Variants in MAP4K3 observed in about 807,000 individuals in gnomAD.
MAP4K3 encodes MAPK/ERK kinase kinase kinase 3.
A neutral mutation model predicts 143.5 loss-of-function variants in MAP4K3; 94 were observed. The observed-to-expected ratio is 0.65, with a 90% CI of 0.55 to 0.78. The LOEUF (loss-of-function observed/expected upper bound fraction) is 0.78, where lower values mean the gene tolerates loss of function less well. Ranked by LOEUF, MAP4K3 falls within the 30% of genes least tolerant of loss-of-function variation. The probability of loss-of-function intolerance (pLI) is 0.00; values close to 1 mark genes in which losing one functional copy is unlikely to be tolerated. For synonymous variants in MAP4K3, 416 were observed against 347.2 expected, an observed-to-expected ratio of 1.20 and a Z score of -2.20; for missense variants, 1,077 against 1,068.1, an observed-to-expected ratio of 1.01 and a Z score of -0.12.
rs924322113 is a variant in MAP4K3, at chr2:39,410,395, A to C, written c.96+26497T>G. Among the ~76,000 whole-genome samples, 6 of 152,364 alleles carry C rather than the reference A, an allele frequency of 3.9e-5. No homozygotes were observed. In the South Asian group the frequency reaches 6.2e-4, roughly 16 times the overall value. ...CCTAGAAAATTAGAGCAATAAAATCATAACAAAGCAACTGGTAATATTATG... is the reference window on the plus strand; with the variant it reads ...CCTAGAAAATTAGAGCAATAAAATCCTAACAAAGCAACTGGTAATATTATG... On this transcript the variant is annotated intron_variant, in intron 1 of 33. Transcript: ENST00000263881.
At chr2:39,302,405 C>T (rs146120220) in intron 15 of MAP4K3, among the ~76,000 whole-genome samples, 1 of 152,172 alleles carries the variant, frequency 6.6e-6, no homozygotes, top group Non-Finnish European at 1.5e-5. Context: ...CCATTGTTTA[C>T]CAAGCACCTA....
At chr2:39,291,683 C>G (rs928005632) in intron 18 of MAP4K3, among the ~76,000 whole-genome samples, 1 of 151,938 alleles carries the variant, frequency 6.6e-6, no homozygotes, top group Non-Finnish European at 1.5e-5. Context: ...CTCAGGAGTT[C>G]GAGCCCAGCC....
rs1680272521 is a variant in MAP4K3, at chr2:39,254,539, T to C, written c.2471-19A>G. ...AGGCACACTAGCAGGCAAGAACAGC[T>C]CAATTACTGTTAATAGTACAAAAGT... On this transcript the variant is annotated intron_variant, in intron 31 of 33. Transcript: ENST00000263881. 1 of 1,603,060 alleles carries C rather than the reference T, an allele frequency of 6.2e-7. No individual in the cohort carries two copies. The highest frequency in any genetic ancestry group is 2.2e-5 in the East Asian group (1 of 44,822).
In MAP4K3 at chr2:39,265,254, G is replaced by T; in HGVS notation, c.2085C>A (p.Ser695Arg). ...GTTCAACCCATTCTAATAGAACAATGCTAGTCTGAAGTGCTCCACATAGGT... is the reference window on the plus strand; with the variant it reads ...GTTCAACCCATTCTAATAGAACAATTCTAGTCTGAAGTGCTCCACATAGGT... The part of the protein sequence containing the change: ...HKYLCGALQT[S>R]IVLLEWVEPM... The change falls in exon 28 of 34, where the codon AGC becomes AGA. Residue 695 changes from serine to arginine, a missense_variant. By Grantham distance (110) the Ser-to-Arg change is moderately radical. Coordinates refer to ENST00000263881, the MANE Select transcript of MAP4K3 (RefSeq NM_003618.4). The T allele has an allele frequency of 6.2e-7, 1 of 1,613,606 alleles. No homozygotes were observed. Among genetic ancestry groups the T allele is most frequent in the Non-Finnish European group, 8.5e-7 (1 of 1,179,660 alleles).
chr2:39,258,435 T>C lies in MAP4K3; in HGVS notation c.2383A>G (p.Ile795Val), dbSNP rs1482922818. The change falls in exon 31 of 34, where the codon ATA (isoleucine) becomes GTA (valine). Residue 795 changes from isoleucine (I) to valine (V), a missense_variant. By Grantham distance (29) the Ile-to-Val change is conservative (BLOSUM62 3). This residue lies in a region of MAP4K3 where 864 missense variants were observed against 801.2 expected (regional missense o/e 1.08). Transcript: ENST00000263881. ...CTTCCTTGGAGATTTACTATTTTTA[T>C]ACAACCTAGAGGAAAAAAAGTCACT... is the stretch of plus-strand genomic sequence containing the variant. ...DTILVCLDCCIKIVNLQGRLK... is the reference protein window; with the variant it reads ...DTILVCLDCCVKIVNLQGRLK... The C allele has an allele frequency of 2.5e-6, 4 of 1,608,778 alleles. No individual in the cohort carries two copies. Among genetic ancestry groups the C allele is most frequent in the Non-Finnish European group, 3.4e-6 (4 of 1,176,072 alleles).
chr2:39,395,779 G>A (rs1424048963), intron 1 of MAP4K3, among the ~76,000 whole-genome samples: 1 of 152,088 alleles, frequency 6.6e-6, no homozygotes, highest in Non-Finnish European at 1.5e-5. Flanking sequence ...AAAGGGCTCT[G>A]GAAAACACTA....
chr2:39,346,826 C>T (rs1222899937), intron 3 of MAP4K3, among the ~76,000 whole-genome samples: 1 of 152,038 alleles, frequency 6.6e-6, no homozygotes. Context: ...TACCATTTGG[C>T]ACTTCTCTGC....
chr2:39,339,445 C>T (rs992620191), intron 4 of MAP4K3, among the ~76,000 whole-genome samples: 2 of 152,108 alleles, frequency 1.3e-5, no homozygotes, highest in Admixed American at 1.3e-4. Context: ...CAGTAAGATA[C>T]TTTCCCAGGA....
At chr2:39,268,632 C>CTATTTTTTT (rs1680876303) in intron 26 of MAP4K3, among the ~76,000 whole-genome samples, 1 of 45,736 alleles carries the variant, frequency 2.2e-5, no homozygotes, top group Non-Finnish European at 5.7e-5. Context: ...AAGATTTTTT[C>CTATTTTTTT]TATTTTTTTT....
In MAP4K3 at chr2:39,315,275, C is replaced by T. The variant is rs368496113; in HGVS notation, c.997+35G>A. 168 of 1,338,610 alleles carry T rather than the reference C, an allele frequency of 1.3e-4. No individual in the cohort carries two copies. The African/African-American group carries it at 2.3e-3, about 19-fold the overall frequency. 82.9% of individuals were successfully genotyped at this position (1,338,610 alleles called of 1,614,324 possible). A position where few individuals can be genotyped will look rare whatever the true frequency, so the allele number is the denominator to read the frequency against. On this transcript the variant is annotated intron_variant, in intron 13 of 33. Transcript: ENST00000263881. ...AACTAAATTATAACTTATTTTCTAT[C>T]ATTAAATCATAAACTGTGTATAGTA... is the stretch of plus-strand genomic sequence containing the variant.
intron 2 of MAP4K3, among the ~76,000 whole-genome samples, chr2:39,363,833 AT>A (rs762867464): frequency 2.7e-4 from 41 of 149,394 alleles, no homozygotes; most frequent in African/African-American, 3.2e-4. Context: ...CATACTGGGG[AT>A]TTTTTTTTTA....
intron 24 of MAP4K3, among the ~76,000 whole-genome samples, chr2:39,275,519 G>A (rs1174537649): frequency 1.3e-5 from 2 of 151,994 alleles, no homozygotes; most frequent in African/African-American, 4.8e-5. Context: ...CTTCAAATTA[G>A]GTTGATAAAT....
chr2:39,408,940 T>C (rs532527128), intron 1 of MAP4K3, among the ~76,000 whole-genome samples: 45 of 152,284 alleles, frequency 3.0e-4, no homozygotes, highest in African/African-American at 9.4e-4. Context: ...AGTGGGAGGA[T>C]TGGTACCATA....
chr2:39,269,689 A>G (rs7573923), intron 26 of MAP4K3, among the ~76,000 whole-genome samples: 105,423 of 151,890 alleles, frequency 0.69, 40,426 homozygotes, highest in Non-Finnish European at 0.85. Flanking sequence ...CCTCTTTTTA[A>G]GTACTTGTCT....
chr2:39,399,523 A>G (rs1221713876), intron 1 of MAP4K3, among the ~76,000 whole-genome samples: 1 of 152,212 alleles, frequency 6.6e-6, no homozygotes, highest in East Asian at 1.9e-4. Context: ...GTTTTGTTCA[A>G]GCCAAGAGGA....
At chr2:39,407,942 T>A (rs766372736) in intron 1 of MAP4K3, among the ~76,000 whole-genome samples, 4 of 151,978 alleles carry the variant, frequency 2.6e-5, no homozygotes, top group Non-Finnish European at 5.9e-5. Flanking sequence ...AAGATATTAG[T>A]AAAGAAGAGA....
intron 1 of MAP4K3, among the ~76,000 whole-genome samples, chr2:39,385,060 A>G (rs1219246316): frequency 1.3e-5 from 2 of 152,044 alleles, no homozygotes; most frequent in Non-Finnish European, 2.9e-5. Context: ...ATTCCTTTTT[A>G]TTGCTGAGTA....
chr2:39,289,671 G>A (rs1390913013), intron 19 of MAP4K3, among the ~76,000 whole-genome samples: 1 of 152,174 alleles, frequency 6.6e-6, no homozygotes, highest in African/African-American at 2.4e-5. Flanking sequence ...GGAATAGGTT[G>A]CAGATTTTGA....
chr2:39,435,824 G>T (rs1350367336), intron 1 of MAP4K3, among the ~76,000 whole-genome samples: 1 of 152,188 alleles, frequency 6.6e-6, no homozygotes, highest in Non-Finnish European at 1.5e-5. Context: ...GTGAAAAGTA[G>T]ATCATCCAGA....
Sources: gnomAD v4.1 joint callset for allele counts (sites outside exome capture counted in the v4.1 genomes callset) on GRCh38, gnomAD v4.1.1 for gene constraint, gnomAD v4.1.1 regional missense constraint, MANE v1.5 for transcripts, NCBI Gene and HGNC (gene_info 2026-07-23, HGNC 2026-07-21) for gene names.